Variants in GADL1 observed in about 807,000 individuals in gnomAD.
GADL1 encodes acidic amino acid decarboxylase GADL1.
A neutral mutation model predicts 69.5 loss-of-function variants in GADL1; 71 were observed. That is an observed-to-expected ratio of 1.02 (90% confidence interval 0.84 to 1.25). The LOEUF is 1.25. Among genes scored for constraint, GADL1 ranks in the 50% most tolerant of loss-of-function variants. The pLI, the probability that GADL1 is intolerant of heterozygous loss-of-function variation, is 0.00. For missense variants in GADL1, 737 were observed against 631.8 expected (o/e 1.17, Z -1.79); for synonymous variants, 254 against 214.4 (o/e 1.18, Z -1.62).
In GADL1 at chr3:30,763,708, AAC is replaced by A. The variant is rs565355526; in HGVS notation, c.1392+14469_1392+14470del. On this transcript the variant is annotated intron_variant, in intron 14 of 14. Coordinates refer to ENST00000282538, the MANE Select transcript of GADL1 (RefSeq NM_207359.3). The stretch of plus-strand genomic sequence containing the variant: ...ATACCATACGTTACATCAAAATTGC[AAC>A]AGTTTCTCACATTGTAAAGTTGAAA... 5.1e-4 allele frequency among the ~76,000 whole-genome samples: 77 copies of A among 152,292 alleles called. 1 individual carries two copies. Among genetic ancestry groups the A allele is most frequent in the African/African-American group, 1.7e-3 (72 of 41,560 alleles).
intron 14 of GADL1, among the ~76,000 whole-genome samples, chr3:30,758,291 CCA>C (rs1407534443): frequency 6.6e-6 from 1 of 152,212 alleles, no homozygotes; most frequent in African/African-American, 2.4e-5. Flanking sequence ...GTGGAGCACT[CCA>C]CTCTCTGAAA....
At chr3:30,772,197 TCTA>T (rs1458946715) in intron 14 of GADL1, among the ~76,000 whole-genome samples, 9 of 152,206 alleles carry the variant, frequency 5.9e-5, no homozygotes, top group African/African-American at 1.9e-4. Context: ...TTATTTCTCC[TCTA>T]CTATTAAGGA....
chr3:30,730,002 T>A (rs1456431075), intron 14 of GADL1, among the ~76,000 whole-genome samples: 1 of 152,108 alleles, frequency 6.6e-6, no homozygotes, highest in Admixed American at 6.5e-5. Flanking sequence ...GTCAAGTTAG[T>A]GAAAAAAGCA....
rs773530741 is a variant in GADL1 at position 30,816,530 on chromosome 3, CTTTTTTTTTTTTTTTTT to C, written c.1051-15459_1051-15443del. 5.0e-3 allele frequency among the ~76,000 whole-genome samples: 272 copies of C among 53,988 alleles called. 3 individuals carry two copies. The highest frequency in any genetic ancestry group is 0.012 in the Middle Eastern group (1 of 84). The allele number at this position is 53,988 out of a possible 152,430, so 35.4% of individuals were successfully genotyped here. On this transcript the variant is annotated intron_variant, in intron 11 of 14. Transcript: ENST00000282538. ...AGACCATATATTCTTAATTTGTTTT[CTTTTTTTTTTTTTTTTT>C]TTTTTTTTTTTTTTTTTTTGAGACA...
chr3:30,889,709 A>C (rs1169657710), intron 1 of GADL1, among the ~76,000 whole-genome samples: 2 of 152,166 alleles, frequency 1.3e-5, no homozygotes, highest in Non-Finnish European at 2.9e-5. Flanking sequence ...GAGAGGTTGG[A>C]AACTACTGAA....
Position 30,728,043 on chromosome 3 carries a change from T to C in GADL1, c.*199A>G, listed in dbSNP as rs1695395676. On this transcript the variant is annotated 3_prime_UTR_variant, in exon 15 of 15. Transcript: ENST00000282538. The stretch of plus-strand genomic sequence containing the variant: ...AATCATTTTTTTTTTTAAACTTTCT[T>C]CTTTTAGCAACAGTAATGCCCAGGC... The C allele has an allele frequency of 2.1e-6, 1 of 466,490 alleles. No homozygotes were observed. Among genetic ancestry groups the C allele is most frequent in the Non-Finnish European group, 3.8e-6 (1 of 263,110 alleles). The allele number at this position is 466,490 out of a possible 1,614,324, so 28.9% of individuals were successfully genotyped here.
At position 30,857,276 on chromosome 3, in the gene GADL1, A is replaced by G. The variant is rs1698244229; in HGVS notation, c.211-135T>C. The G allele has an allele frequency of 4.3e-6, 3 of 700,016 alleles. No homozygotes were observed. In the Admixed American group the frequency reaches 8.3e-5, roughly 19 times the overall value. 43.4% of individuals were successfully genotyped at this position (700,016 alleles called of 1,614,324 possible). The stretch of plus-strand genomic sequence containing the variant: ...AAACATGCAACTATAGTTCAGACGA[A>G]AAGAACTATTACAGTAATGTAGATG... On this transcript the variant is annotated intron_variant, in intron 2 of 14. Transcript: ENST00000282538.
intron 1 of GADL1, among the ~76,000 whole-genome samples, chr3:30,892,646 G>C (rs997375816): frequency 6.6e-6 from 1 of 151,792 alleles, no homozygotes; most frequent in Non-Finnish European, 1.5e-5. Context: ...TGGTTTTTTT[G>C]TTACTGTTTT....
At chr3:30,806,232 C>T (rs1697253810) in intron 11 of GADL1, among the ~76,000 whole-genome samples, 2 of 152,018 alleles carry the variant, frequency 1.3e-5, no homozygotes, top group Admixed American at 6.6e-5. Flanking sequence ...GTCTAAATGA[C>T]TTAGAAAATA....
intron 3 of GADL1, 99 bp from the exon 4 acceptor site, chr3:30,854,888 A>G: frequency 1.5e-6 from 1 of 670,472 alleles, no homozygotes; most frequent in Non-Finnish European, 2.6e-6. Context: ...ATGAAAGCAG[A>G]CACACACAGA....
chr3:30,885,218 C>T (rs1052707856), intron 1 of GADL1, among the ~76,000 whole-genome samples: 12 of 151,988 alleles, frequency 7.9e-5, no homozygotes, highest in South Asian at 6.2e-4. Flanking sequence ...ACTGTTCCTC[C>T]ATTTTTTGCT....
intron 14 of GADL1, among the ~76,000 whole-genome samples, chr3:30,777,238 T>A (rs1278263325): frequency 6.6e-6 from 1 of 151,858 alleles, no homozygotes; most frequent in Admixed American, 6.6e-5. Context: ...CTATGGACAA[T>A]GAAAATTGCT....
chr3:30,862,268 T>C (rs1575238946), intron 1 of GADL1, among the ~76,000 whole-genome samples: 2 of 152,010 alleles, frequency 1.3e-5, no homozygotes, highest in Non-Finnish European at 2.9e-5. Flanking sequence ...CAGCCGTCAC[T>C]CTACCACAGG....
At chr3:30,801,184 C>A in intron 11 of GADL1, 96 bp from the exon 12 acceptor site, 1 of 879,276 alleles carries the variant, frequency 1.1e-6, no homozygotes, top group Non-Finnish European at 1.8e-6. Context: ...TATATTCTAC[C>A]TGTGCCAAGT....
intron 11 of GADL1, among the ~76,000 whole-genome samples, chr3:30,823,695 G>A (rs1575221848): frequency 6.6e-6 from 1 of 151,930 alleles, no homozygotes; most frequent in East Asian, 1.9e-4. Context: ...AACACCAAAG[G>A]GAAACTAGAT....
chr3:30,859,830 C>A (rs1224007189), intron 2 of GADL1, among the ~76,000 whole-genome samples: 1 of 151,818 alleles, frequency 6.6e-6, no homozygotes, highest in African/African-American at 2.4e-5. Flanking sequence ...ACCTCCTTCC[C>A]CCAACTCTAG....
Position 30,849,942 on chromosome 3 carries a change from T to G in GADL1, c.651+54A>C, listed in dbSNP as rs1447671062. Reference sequence around the variant, plus strand: ...CATCAGGAATCTTCAAACAAAGCCCTCTTAAATATGCTTTCTCAGAAAATC... The same window carrying G: ...CATCAGGAATCTTCAAACAAAGCCCGCTTAAATATGCTTTCTCAGAAAATC... On this transcript the variant is annotated intron_variant, in intron 6 of 14. Coordinates refer to ENST00000282538, the MANE Select transcript of GADL1 (RefSeq NM_207359.3). The G allele has an allele frequency of 3.8e-6, 4 of 1,064,150 alleles. No individual in the cohort carries two copies. In the East Asian group the frequency reaches 9.6e-5, roughly 25 times the overall value. 65.9% of individuals were successfully genotyped at this position (1,064,150 alleles called of 1,614,324 possible). A position where few individuals can be genotyped will look rare whatever the true frequency, so the allele number is the denominator to read the frequency against.
intron 12 of GADL1, chr3:30,799,994 T>A (rs973495080): frequency 6.6e-6 from 1 of 152,296 alleles, no homozygotes; most frequent in East Asian, 1.9e-4. Context: ...ATTCAACAAG[T>A]CTCTAGGAAG....
At chr3:30,752,112 A>C (rs1695835282) in intron 14 of GADL1, among the ~76,000 whole-genome samples, 1 of 152,204 alleles carries the variant, frequency 6.6e-6, no homozygotes, top group South Asian at 2.1e-4. Context: ...CATTCCACAC[A>C]CACAGTGGTA....
Sources: allele counts gnomAD v4.1 joint callset (sites outside exome capture counted in the v4.1 genomes callset), GRCh38; gene constraint gnomAD v4.1.1; transcripts MANE v1.5; gene names NCBI Gene and HGNC (gene_info 2026-07-23, HGNC 2026-07-21).